The following POLR1C variants were observed in gnomAD, a reference collection of about 807,000 sequenced individuals.
The protein encoded by POLR1C is DNA-directed RNA polymerases I and III subunit RPAC1.
POLR1C carries 42 observed loss-of-function variants against 38.3 expected under a neutral mutation model. That is an observed-to-expected ratio of 1.10 (90% CI 0.86 to 1.42). The LOEUF (loss-of-function observed/expected upper bound fraction) is 1.42. POLR1C is among the 40% of genes most tolerant of loss of function. POLR1C has a pLI of 0.00. For synonymous variants in POLR1C, 163 were observed against 163.9 expected (o/e 0.99, Z 0.04); for missense variants, 507 against 450.5 (o/e 1.13, Z -1.14).
downstream of POLR1C, chr6:43,524,352 CAAA>C (rs368583529): frequency 6.7e-3 from 7,042 of 1,053,426 alleles, no homozygotes; most frequent in South Asian, 0.012. Flanking sequence ...AACCCCATCT[CAAA>C]AAAAAAAAAA....
At chr6:43,544,307 G>A (rs1218397602) in intron 9 of POLR1C, 1 of 154,368 alleles carries the variant, frequency 6.5e-6, no homozygotes, top group East Asian at 1.9e-4. Flanking sequence ...TAGAAAATAG[G>A]AGTAGTAAAT....
At chr6:43,525,706 C>G, downstream of POLR1C, 1 of 942,858 alleles carries the variant, frequency 1.1e-6, no homozygotes, top group Non-Finnish European at 1.5e-6. Flanking sequence ...TTTTCTGGGG[C>G]CTTTGGAACC....
At chr6:43,553,580 C>T in intron 10 of POLR1C, 1 of 1,500,096 alleles carries the variant, frequency 6.7e-7, no homozygotes, top group Non-Finnish European at 8.9e-7. Context: ...GCAGAAGACA[C>T]AGAGAGACAA....
chr6:43,527,269 T>TA (rs1190082987), intron 8 of POLR1C: 2 of 214,518 alleles, frequency 9.3e-6, no homozygotes, highest in Non-Finnish European at 1.9e-5. Flanking sequence ...TCAGTGTTGC[T>TA]ACAAACATGA....
exon 9 of POLR1C, chr6:43,529,251 A>G: frequency 7.3e-7 from 1 of 1,376,810 alleles, no homozygotes; most frequent in Non-Finnish European, 9.7e-7. Context: ...AATTTCAGGT[A>G]AGAAAGATTT....
At chr6:43,517,791 A>G (rs1485500847) in intron 2 of POLR1C, among the ~76,000 whole-genome samples, 1 of 152,172 alleles carries the variant, frequency 6.6e-6, no homozygotes, top group Non-Finnish European at 1.5e-5. Flanking sequence ...GTTTCAAGTC[A>G]GTGAAGTTCA....
At chr6:43,560,174 A>T (rs757660686) in intron 10 of POLR1C, 1 of 1,612,476 alleles carries the variant, frequency 6.2e-7, no homozygotes, top group Non-Finnish European at 8.5e-7. Flanking sequence ...TTCCCATTAT[A>T]TACCTTGACC....
At chr6:43,524,352 CAA>C (rs368583529), downstream of POLR1C, 55,735 of 1,024,624 alleles carry the variant, frequency 0.054, 22 homozygotes, top group African/African-American at 0.081. Flanking sequence ...AACCCCATCT[CAA>C]AAAAAAAAAA....
chr6:43,519,174 A>G, intron 2 of POLR1C, 159 bp from the exon 3 acceptor site: 1 of 675,740 alleles, frequency 1.5e-6, no homozygotes, highest in Non-Finnish European at 2.7e-6. Context: ...ATGAAACTTA[A>G]AACACTGGGC....
chr6:43,558,355 G>T, intron 10 of POLR1C: 1 of 685,364 alleles, frequency 1.5e-6, no homozygotes, highest in Non-Finnish European at 2.4e-6. Context: ...GCACTCTTCT[G>T]CAATGGGAAA....
In POLR1C at chr6:43,520,668, C is replaced by A. The variant is rs763593155; in HGVS notation, c.699C>A (p.Tyr233Ter). 9.3e-6 allele frequency: 15 copies of A among 1,614,046 alleles called. No homozygotes were observed. The highest frequency in any genetic ancestry group is 1.3e-5 in the Non-Finnish European group (15 of 1,180,000). The change falls in exon 7 of 9, where the codon TAC becomes TAA. Residue 233 changes from tyrosine (Y) to a stop codon, truncating the protein, a stop_gained. Transcript: ENST00000642195. LOFTEE classifies it high-confidence loss of function. ...TTTCACCAGTGGCAACAGCCAGTTA[C>A]AGGCTCCTGCCAGACATCACCCTGC... ...AKFSPVATAS[Y>*]RLLPDITLLE...
Position 43,526,630 on chromosome 6 carries a change from G to T in POLR1C, c.923-2619G>T, listed in dbSNP as rs1793611134. The T allele has an allele frequency of 7.5e-6, 12 of 1,597,014 alleles. No homozygotes were observed. In the Admixed American group the frequency reaches 8.5e-5, roughly 11 times the overall value. The stretch of plus-strand genomic sequence containing the variant: ...CAAGGAAACTGACCTGGTTCAGAAG[G>T]AACAGTATTTAGGAGGCTAAGAGCA... On this transcript the variant is annotated intron_variant, in intron 8 of 8. Coordinates refer to the POLR1C transcript ENST00000304004.
At chr6:43,523,285 C>A, downstream of POLR1C, 1 of 229,500 alleles carries the variant, frequency 4.4e-6, no homozygotes, top group Non-Finnish European at 8.7e-6. Context: ...TGGATCCCAT[C>A]AGGTGACCAG....
downstream of POLR1C, among the ~76,000 whole-genome samples, chr6:43,530,139 C>T (rs1793872968): frequency 6.6e-6 from 1 of 152,096 alleles, no homozygotes; most frequent in African/African-American, 2.4e-5. Flanking sequence ...CGCCTGTAAT[C>T]CCAGCTACTT....
At chr6:43,529,722 C>G (rs1793841251), downstream of POLR1C, 1 of 159,758 alleles carries the variant, frequency 6.3e-6, no homozygotes, top group South Asian at 1.7e-4. Flanking sequence ...GAGTTTGAGA[C>G]CACCCTGGGG....
chr6:43,526,557 G>C (rs1582193582), intron 8 of POLR1C: 22 of 1,044,512 alleles, frequency 2.1e-5, no homozygotes, highest in Non-Finnish European at 3.0e-5. Context: ...AAGAGGGCTG[G>C]TCCAGAGATG....
chr6:43,547,032 G>A (rs558952593), intron 9 of POLR1C, among the ~76,000 whole-genome samples: 1 of 152,286 alleles, frequency 6.6e-6, no homozygotes, highest in East Asian at 1.9e-4. Context: ...GGACCCTGAT[G>A]AGAAGGTGGC....
chr6:43,548,441 T>C, intron 9 of POLR1C: 1 of 1,577,780 alleles, frequency 6.3e-7, no homozygotes, highest in Non-Finnish European at 8.6e-7. Context: ...CACATGGTTA[T>C]AAAGCATGTC....
intron 10 of POLR1C, chr6:43,558,395 G>C: frequency 2.0e-6 from 2 of 987,158 alleles, no homozygotes. Context: ...CTGCTATCCA[G>C]ATTTGGGGAT....
Sources: gnomAD v4.1 joint callset for allele counts (sites outside exome capture counted in the v4.1 genomes callset) on GRCh38, gnomAD v4.1.1 for gene constraint, MANE v1.5 for transcripts, NCBI Gene and HGNC (gene_info 2026-07-23, HGNC 2026-07-21) for gene names.